DGKB: variants seen among roughly 807,000 people sequenced by gnomAD.
DGKB encodes the protein diacylglycerol kinase beta.
DGKB carries 67 observed loss-of-function variants against 114.3 expected under a neutral mutation model. The observed-to-expected ratio is 0.59, with a 90% CI of 0.48 to 0.72. The LOEUF is 0.72. Ranked by LOEUF, DGKB falls within the 30% of genes least tolerant of loss-of-function variation. The pLI is 0.00. For missense variants in DGKB, 907 were observed against 975.2 expected (o/e 0.93, Z 0.93); for synonymous variants, 398 against 323.1 (o/e 1.23, Z -2.49).
intron 25 of DGKB, among the ~76,000 whole-genome samples, chr7:14,173,356 TCAC>T (rs1781287738): frequency 6.6e-6 from 1 of 152,198 alleles, no homozygotes; most frequent in Non-Finnish European, 1.5e-5. Flanking sequence ...AACATAAAAT[TCAC>T]CACGTTAACT....
intron 2 of DGKB, among the ~76,000 whole-genome samples, chr7:14,830,150 T>TA (rs5882466): frequency 0.2 from 30,186 of 151,850 alleles, 3,166 homozygotes; most frequent in South Asian, 0.27. Flanking sequence ...CAGTACTTTT[T>TA]AAAAAAAATT....
chr7:14,374,884 G>A (rs996062157), intron 21 of DGKB, among the ~76,000 whole-genome samples: 2 of 152,108 alleles, frequency 1.3e-5, no homozygotes, highest in African/African-American at 4.8e-5. Context: ...AGATATTGCC[G>A]AATGTCTCCT....
At chr7:14,407,711 C>G (rs1403168833) in intron 21 of DGKB, among the ~76,000 whole-genome samples, 1 of 151,894 alleles carries the variant, frequency 6.6e-6, no homozygotes, top group African/African-American at 2.4e-5. Context: ...AATCATACGG[C>G]AAAATCTTTG....
At chr7:14,907,220 T>C (rs1783756682), upstream of DGKB, among the ~76,000 whole-genome samples, 2 of 152,174 alleles carry the variant, frequency 1.3e-5, no homozygotes, top group Non-Finnish European at 2.9e-5. Flanking sequence ...TTCAGATCTC[T>C]TTGGGTCCAA....
chr7:14,755,877 G>T (rs1331774264), intron 3 of DGKB, among the ~76,000 whole-genome samples: 2 of 151,960 alleles, frequency 1.3e-5, no homozygotes, highest in Admixed American at 1.3e-4. Context: ...GTTGTAATGA[G>T]ATCTAACTTT....
intron 15 of DGKB, among the ~76,000 whole-genome samples, chr7:14,617,071 C>A (rs190462707): frequency 1.5e-4 from 23 of 151,644 alleles, no homozygotes; most frequent in Admixed American, 5.3e-4. Context: ...GTTTTGGATC[C>A]CAGTTCAATC....
At chr7:14,563,732 C>G (rs1797008881) in intron 20 of DGKB, among the ~76,000 whole-genome samples, 2 of 147,430 alleles carry the variant, frequency 1.4e-5, no homozygotes, top group Admixed American at 1.4e-4. Flanking sequence ...TTTCTTGATT[C>G]TCTATGTTTA....
intron 20 of DGKB, among the ~76,000 whole-genome samples, chr7:14,557,055 T>G (rs1234358775): frequency 6.6e-6 from 1 of 152,132 alleles, no homozygotes; most frequent in African/African-American, 2.4e-5. Flanking sequence ...TGGAAGCTTG[T>G]TGGAAATGCA....
intron 6 of DGKB, among the ~76,000 whole-genome samples, chr7:14,709,195 G>C (rs1460714013): frequency 2.0e-5 from 3 of 152,176 alleles, no homozygotes; most frequent in Non-Finnish European, 4.4e-5. Context: ...CATTTATGCA[G>C]CCAACAGGCA....
intron 25 of DGKB, among the ~76,000 whole-genome samples, chr7:14,155,877 T>C (rs996338024): frequency 6.6e-6 from 1 of 152,178 alleles, no homozygotes; most frequent in East Asian, 1.9e-4. Flanking sequence ...TCAGTATCTT[T>C]TGGGTCTGTG....
At chr7:14,769,128 A>G (rs990996055) in intron 2 of DGKB, among the ~76,000 whole-genome samples, 6 of 87,258 alleles carry the variant, frequency 6.9e-5, no homozygotes, top group Non-Finnish European at 1.2e-4. Context: ...AAAGAAAGAG[A>G]GAGAGAGAAA....
At chr7:14,972,675 A>G (rs1787544861) in intron 1 of DGKB, among the ~76,000 whole-genome samples, 1 of 150,854 alleles carries the variant, frequency 6.6e-6, no homozygotes, top group Admixed American at 6.6e-5. Context: ...ATTGTTGAAA[A>G]AAAAAAAAAA....
intron 2 of DGKB, among the ~76,000 whole-genome samples, chr7:14,774,395 A>T (rs1837855931): frequency 6.6e-6 from 1 of 152,210 alleles, no homozygotes; most frequent in Admixed American, 6.5e-5. Flanking sequence ...TCCACTTGAA[A>T]TCTGAAGTTA....
At chr7:14,386,213 T>G (rs570022006) in intron 21 of DGKB, among the ~76,000 whole-genome samples, 8 of 152,236 alleles carry the variant, frequency 5.3e-5, no homozygotes, top group Non-Finnish European at 1.2e-4. Context: ...ATAATCATTG[T>G]TTTAAGCTAG....
intron 20 of DGKB, among the ~76,000 whole-genome samples, chr7:14,564,217 C>T (rs1444958259): frequency 6.6e-6 from 1 of 152,082 alleles, no homozygotes; most frequent in Non-Finnish European, 1.5e-5. Flanking sequence ...TTTGCTGAAG[C>T]CATTAGTGTT....
At chr7:14,611,874 G>T (rs17168303) in intron 16 of DGKB, among the ~76,000 whole-genome samples, 1 of 151,314 alleles carries the variant, frequency 6.6e-6, no homozygotes, top group Non-Finnish European at 1.5e-5. Context: ...TCAATATTCT[G>T]TAATTTCCAA....
intron 20 of DGKB, among the ~76,000 whole-genome samples, chr7:14,541,675 C>T (rs1186697306): frequency 6.6e-6 from 1 of 152,194 alleles, no homozygotes; most frequent in African/African-American, 2.4e-5. Flanking sequence ...ATGTCCTAGG[C>T]TATGCCATTG....
At chr7:14,668,146 T>A (rs775147418) in intron 13 of DGKB, among the ~76,000 whole-genome samples, 1 of 152,026 alleles carries the variant, frequency 6.6e-6, no homozygotes, top group Non-Finnish European at 1.5e-5. Context: ...AGGAAGCAGG[T>A]TGGGGTGTAC....
intron 1 of DGKB, among the ~76,000 whole-genome samples, chr7:14,968,427 T>C (rs1024001158): frequency 1.3e-5 from 2 of 152,148 alleles, no homozygotes; most frequent in Non-Finnish European, 2.9e-5. Context: ...ATAGACGGAA[T>C]CAAAATTGTA....
Sources: gnomAD v4.1 joint callset for allele counts (sites outside exome capture counted in the v4.1 genomes callset) on GRCh38, gnomAD v4.1.1 for gene constraint, MANE v1.5 for transcripts, NCBI Gene and HGNC (gene_info 2026-07-23, HGNC 2026-07-21) for gene names.